The following HKDC1 variants were observed in gnomAD, a reference collection of about 807,000 sequenced individuals.
HKDC1 encodes hexokinase domain containing 1.
Under a neutral mutation model 96.6 loss-of-function variants are expected in HKDC1, and 66 were observed. The ratio of observed to expected loss-of-function variants is 0.68; its 90% confidence interval spans 0.56 to 0.84. The LOEUF (loss-of-function observed/expected upper bound fraction) is 0.84, where lower values mean the gene tolerates loss of function less well. Ranked by LOEUF, HKDC1 falls within the 40% of genes least tolerant of loss-of-function variation. HKDC1 has a pLI of 0.00. For missense variants in HKDC1, 1,211 were observed against 1,208.1 expected (o/e 1.00, Z -0.04); for synonymous variants, 466 against 473.1 (o/e 0.98, Z 0.20).
intron 5 of HKDC1, 37 bp downstream of exon 5, chr10:69,239,174 C>A (rs1277060778): frequency 1.1e-5 from 17 of 1,508,276 alleles, no homozygotes; most frequent in Non-Finnish European, 1.5e-5. Flanking sequence ...GCTCTCCCAG[C>A]CCTAGCTCCT....
In HKDC1 at chr10:69,247,635, C is replaced by T; in HGVS notation, c.1265+42C>T. Reference sequence around the variant, plus strand: ...ATCCACGCCCCCACAAATGAGTCTCCCTGGAGCAGGGCCCCAGTGTCTTCT... The same window carrying T: ...ATCCACGCCCCCACAAATGAGTCTCTCTGGAGCAGGGCCCCAGTGTCTTCT... On this transcript the variant is annotated intron_variant, in intron 9 of 17. Transcript: ENST00000354624. 6 of 1,518,548 alleles carry T rather than the reference C, an allele frequency of 4.0e-6. 1 individual carries two copies. Among genetic ancestry groups the T allele is most frequent in the South Asian group, 2.3e-5 (2 of 86,390 alleles). The allele number at this position is 1,518,548 out of a possible 1,614,324, so 94.1% of individuals were successfully genotyped here.
intron 12 of HKDC1, among the ~76,000 whole-genome samples, chr10:69,251,937 T>G (rs1843649886): frequency 6.6e-6 from 1 of 152,038 alleles, no homozygotes; most frequent in Admixed American, 6.6e-5. Context: ...TTTTTGTATT[T>G]TTAGTAGAGA....
At chr10:69,262,952 T>C (rs2132380502) in intron 16 of HKDC1, among the ~76,000 whole-genome samples, 1 of 152,204 alleles carries the variant, frequency 6.6e-6, no homozygotes, top group Middle Eastern at 3.4e-3. Flanking sequence ...AAAGAAAAGT[T>C]GTTCCTAGAC....
chr10:69,257,896 T>C (rs1453129594), intron 14 of HKDC1, among the ~76,000 whole-genome samples: 1 of 152,106 alleles, frequency 6.6e-6, no homozygotes, highest in Admixed American at 6.6e-5. Flanking sequence ...TTGGGAGAAG[T>C]CTGGCAGTGA....
At chr10:69,222,948 C>T (rs892136197) in intron 1 of HKDC1, 1 of 152,190 alleles carries the variant, frequency 6.6e-6, no homozygotes, top group Admixed American at 6.5e-5. Flanking sequence ...GTGCTTCCTG[C>T]CTCTAGAATT....
chr10:69,251,834 A>G (rs1843648081), intron 12 of HKDC1, among the ~76,000 whole-genome samples: 2 of 150,304 alleles, frequency 1.3e-5, no homozygotes, highest in Non-Finnish European at 3.0e-5. Flanking sequence ...ATCTCAGCTC[A>G]CTGCAACCTC....
rs1564726887 is a variant in HKDC1 at position 69,233,106 on chromosome 10, C to G, written c.468C>G (p.Phe156Leu). 13 of 1,614,082 alleles carry G rather than the reference C, an allele frequency of 8.1e-6. No homozygotes were observed. Among genetic ancestry groups the G allele is most frequent in the Non-Finnish European group, 1.0e-5 (12 of 1,180,028 alleles). Residue 156 changes from phenylalanine to leucine, a missense_variant, in exon 4 of 18, where the codon TTC (phenylalanine) becomes TTG (leucine). Transcript: ENST00000354624. ...TGCCCCTTGGCCTAACTTTTTCTTT[C>G]CCCTGTCGACAGACTAAACTGGAAG... ...KKLPLGLTFS[F>L]PCRQTKLEEG...
chr10:69,232,694 C>T, intron 2 of HKDC1, 70 bp from the exon 3 acceptor site: 2 of 1,399,160 alleles, frequency 1.4e-6, no homozygotes, highest in Non-Finnish European at 2.0e-6. Context: ...TATGTCCAAC[C>T]TCTAATGCAG....
Position 69,247,470 on chromosome 10 carries a change from G to C in HKDC1, c.1142G>C (p.Arg381Pro), listed in dbSNP as rs750940077. The change falls in exon 9 of 18, where the codon CGC (arginine) becomes CCC (proline). Residue 381 changes from arginine to proline, a missense_variant. By Grantham distance (103) the Arg-to-Pro change is moderately radical. Transcript: ENST00000354624. Reference sequence around the variant, plus strand: ...CATGTCTGTACCATCGTCTCCTTCCGCTCGGCCAATCTCTGTGCAGCAGCT... The same window carrying C: ...CATGTCTGTACCATCGTCTCCTTCCCCTCGGCCAATCTCTGTGCAGCAGCT... ...VQHVCTIVSF[R>P]SANLCAAALA... The C allele has an allele frequency of 1.2e-6, 2 of 1,613,950 alleles. No individual in the cohort carries two copies. Among genetic ancestry groups the C allele is most frequent in the Non-Finnish European group, 1.7e-6 (2 of 1,180,028 alleles).
chr10:69,259,058 T>C, intron 15 of HKDC1, 99 bp downstream of exon 15: 1 of 935,644 alleles, frequency 1.1e-6, no homozygotes, highest in East Asian at 3.1e-5. Flanking sequence ...GTGTGCTTAT[T>C]ACAGCTGTCG....
At chr10:69,222,139 T>C (rs766851081) in intron 1 of HKDC1, among the ~76,000 whole-genome samples, 17 of 152,034 alleles carry the variant, frequency 1.1e-4, no homozygotes, top group Non-Finnish European at 2.4e-4. Flanking sequence ...GGAGAATCCC[T>C]TGAACCCGGG....
At chr10:69,227,489 C>A in intron 2 of HKDC1, 120 bp downstream of exon 2, 1 of 984,198 alleles carries the variant, frequency 1.0e-6, no homozygotes. Flanking sequence ...TGCTGTCCCA[C>A]CCTCCCTGCC....
At chr10:69,249,499 A>T (rs1180564406) in intron 10 of HKDC1, among the ~76,000 whole-genome samples, 1 of 151,878 alleles carries the variant, frequency 6.6e-6, no homozygotes, top group Non-Finnish European at 1.5e-5. Flanking sequence ...TTTTATTTTT[A>T]TTTTTATTTT....
intron 1 of HKDC1, among the ~76,000 whole-genome samples, chr10:69,224,325 C>T (rs1843114966): frequency 6.6e-6 from 1 of 151,848 alleles, no homozygotes; most frequent in African/African-American, 2.4e-5. Flanking sequence ...GCTCTGTCAC[C>T]CAGGCTGGAG....
chr10:69,240,349 T>TA (rs968068944), intron 5 of HKDC1, among the ~76,000 whole-genome samples: 10 of 151,824 alleles, frequency 6.6e-5, no homozygotes, highest in East Asian at 1.9e-4. Context: ...TTTTTTAAAT[T>TA]AAAAAAAACA....
intron 15 of HKDC1, among the ~76,000 whole-genome samples, chr10:69,259,494 T>A (rs1589416817): frequency 6.6e-6 from 1 of 152,116 alleles, no homozygotes; most frequent in East Asian, 1.9e-4. Context: ...AAAAATAAAT[T>A]AGAGTAGATT....
chr10:69,260,988 T>G, intron 15 of HKDC1, 151 bp from the exon 16 acceptor site: 1 of 620,876 alleles, frequency 1.6e-6, no homozygotes, highest in Non-Finnish European at 2.8e-6. Flanking sequence ...AGATGATAGC[T>G]TGCAGTGCTT....
At chr10:69,253,595 G>T (rs1843676832) in intron 12 of HKDC1, among the ~76,000 whole-genome samples, 2 of 152,214 alleles carry the variant, frequency 1.3e-5, no homozygotes, top group Admixed American at 6.5e-5. Context: ...GAGGAACATG[G>T]TGAGGACTAA....
At chr10:69,230,745 C>A (rs1230070668) in intron 2 of HKDC1, among the ~76,000 whole-genome samples, 1 of 152,194 alleles carries the variant, frequency 6.6e-6, no homozygotes, top group Non-Finnish European at 1.5e-5. Flanking sequence ...TCCCAAGTAG[C>A]TGGGACTACA....
Sources: gnomAD v4.1 joint callset for allele counts (sites outside exome capture counted in the v4.1 genomes callset) on GRCh38, gnomAD v4.1.1 for gene constraint, MANE v1.5 for transcripts, NCBI Gene and HGNC (gene_info 2026-07-23, HGNC 2026-07-21) for gene names.